The following LCN15 variants were observed in gnomAD, a reference collection of about 807,000 sequenced individuals.
LCN15 encodes lipocalin-15.
LCN15 carries 26 observed loss-of-function variants against 23.1 expected under a neutral mutation model. That is an observed-to-expected ratio of 1.13 (90% CI 0.82 to 1.56). LCN15 has a LOEUF of 1.56. Ranked by LOEUF, LCN15 falls within the 40% of genes most tolerant of loss-of-function variation. The probability of loss-of-function intolerance (pLI) is 0.00; values close to 1 mark genes in which losing one functional copy is unlikely to be tolerated. For missense variants in LCN15, 241 were observed against 239.5 expected, an observed-to-expected ratio of 1.01 and a Z score of -0.04; for synonymous variants, 107 against 98.3, an observed-to-expected ratio of 1.09 and a Z score of -0.52.
rs1847322754 is a variant in LCN15 at position 136,761,979 on chromosome 9, G to A, written c.521-126C>T. The A allele has an allele frequency of 1.2e-6, 1 of 861,010 alleles. No homozygotes were observed. The highest frequency in any genetic ancestry group is 1.7e-6 in the Non-Finnish European group (1 of 599,902). 53.3% of individuals were successfully genotyped at this position (861,010 alleles called of 1,614,324 possible). On this transcript the variant is annotated intron_variant, in intron 5 of 6. Transcript: ENST00000316144. This position sits in a 1 kb window ranked among gnomAD's most constrained non-coding sequence, Gnocchi z 4.2. ...CCATCCCCAGAGAGTGGAGCCCAGA[G>A]CTTCCCTCCCAGCGCTGCCCAAAGC... is the stretch of plus-strand genomic sequence containing the variant.
At chr9:136,762,327 A>G (rs200894977) in intron 4 of LCN15, 38 bp from the exon 5 acceptor site, 2 of 1,218,480 alleles carry the variant, frequency 1.6e-6, no homozygotes, top group African/African-American at 1.5e-5. Context: ...TCAGCAGCTC[A>G]CAGGAGTGCA....
At chr9:136,764,244 T>G in intron 1 of LCN15, 149 bp downstream of exon 1, 12 of 864,424 alleles carry the variant, frequency 1.4e-5, no homozygotes, top group Non-Finnish European at 2.0e-5. Flanking sequence ...CACAGGTTGG[T>G]TTAGGATTAA....
rs189958747 is a variant in LCN15 at position 136,761,302 on chromosome 9, C to T, written c.*32+485G>A. Among the ~76,000 whole-genome samples the T allele has an allele frequency of 6.6e-6, 1 of 152,320 alleles. No individual in the cohort carries two copies. The highest frequency in any genetic ancestry group is 1.9e-4 in the East Asian group (1 of 5,186). ...TGAGATGGAGTTTCTCTCTTGTCAC[C>T]CAGGCTGGACTGTAATGGTGCAATC... On this transcript the variant is annotated intron_variant, in intron 6 of 6. Coordinates refer to ENST00000316144, the MANE Select transcript of LCN15 (RefSeq NM_203347.2). This position sits in a 1 kb window ranked among gnomAD's most constrained non-coding sequence, Gnocchi z 4.2.
In LCN15 at chr9:136,761,789, G is replaced by A. The variant is rs1847320041; in HGVS notation, c.*30C>T. 2 of 1,272,376 alleles carry A rather than the reference G, an allele frequency of 1.6e-6. No individual in the cohort carries two copies. The highest frequency in any genetic ancestry group is 2.0e-6 in the Non-Finnish European group (2 of 1,008,174). The allele number at this position is 1,272,376 out of a possible 1,614,324, so 78.8% of individuals were successfully genotyped here. On this transcript the variant is annotated splice_region_variant and 3_prime_UTR_variant, in exon 6 of 7. Coordinates refer to ENST00000316144, the MANE Select transcript of LCN15 (RefSeq NM_203347.2). This position sits in a 1 kb window ranked among gnomAD's most constrained non-coding sequence, Gnocchi z 4.2. ...CCTGCAGGGCCTGGAGAACCCACCT[G>A]GGAAGGGCGGGGGTGGGGCTCCGGA...
Position 136,761,856 on chromosome 9 carries a change from G to A in LCN15, c.521-3C>T. ...CTTGCTCTCAGGGTTGCATGCATCT[G>A]TGGGGAGGAAGACATCCGTGAGATG... On this transcript the variant is annotated splice_region_variant and splice_polypyrimidine_tract_variant and intron_variant, in intron 5 of 6. Coordinates refer to ENST00000316144, the MANE Select transcript of LCN15 (RefSeq NM_203347.2). This position sits in a 1 kb window ranked among gnomAD's most constrained non-coding sequence, Gnocchi z 4.2. 3.7e-6 allele frequency: 5 copies of A among 1,336,846 alleles called. No individual in the cohort carries two copies. The highest frequency in any genetic ancestry group is 4.8e-6 in the Non-Finnish European group (5 of 1,043,004). The allele number at this position is 1,336,846 out of a possible 1,614,324, so 82.8% of individuals were successfully genotyped here.
intron 5 of LCN15, 124 bp downstream of exon 5, chr9:136,762,064 C>T (rs2297721): frequency 0.13 from 99,399 of 761,756 alleles, 6,893 homozygotes; most frequent in Admixed American, 0.19. Context: ...GCCAGCCCAC[C>T]CCTGGAAGAG....
chr9:136,764,172 G>A, intron 1 of LCN15, 163 bp from the exon 2 acceptor site: 1 of 887,272 alleles, frequency 1.1e-6, no homozygotes, highest in Non-Finnish European at 1.7e-6. Flanking sequence ...ATCTTGGGTA[G>A]GTCACAGTGC....
At chr9:136,763,546 C>T in intron 3 of LCN15, 79 bp from the exon 4 acceptor site, 2 of 1,206,486 alleles carry the variant, frequency 1.7e-6, no homozygotes, top group Non-Finnish European at 2.3e-6. Context: ...CCTGCCCCTG[C>T]TGCTGGGCTG....
rs564732610 is a variant in LCN15 at position 136,762,922 on chromosome 9, T to TAAAAAA, written c.418+429_418+434dup. The stretch of plus-strand genomic sequence containing the variant: ...TGGGCGACAGAGTGAGACTCCATAT[T>TAAAAAA]AAAAAAAAAAAAAAAAAAGAACCTC... On this transcript the variant is annotated intron_variant, in intron 4 of 6. Coordinates refer to ENST00000316144, the MANE Select transcript of LCN15 (RefSeq NM_203347.2). Among the ~76,000 whole-genome samples, 216 of 104,848 alleles carry TAAAAAA rather than the reference T, an allele frequency of 2.1e-3. 4 individuals are homozygous for TAAAAAA. The highest frequency in any genetic ancestry group is 8.1e-3 in the African/African-American group (208 of 25,546). 68.8% of individuals were successfully genotyped at this position (104,848 alleles called of 152,430 possible).
intron 1 of LCN15, 99 bp from the exon 2 acceptor site, chr9:136,764,108 G>T (rs1847354013): frequency 2.7e-6 from 4 of 1,469,608 alleles, no homozygotes; most frequent in Middle Eastern, 3.6e-4. Context: ...ACAGCAAGGG[G>T]TCTCGGAGTG....
In LCN15 at chr9:136,761,994, C is replaced by A; in HGVS notation, c.521-141G>T. 1.2e-6 allele frequency: 1 copy of A among 803,142 alleles called. No homozygotes were observed. Among genetic ancestry groups the A allele is most frequent in the Non-Finnish European group, 1.8e-6 (1 of 544,286 alleles). The allele number at this position is 803,142 out of a possible 1,614,324, so 49.8% of individuals were successfully genotyped here. ...GGAGCCCAGAGCTTCCCTCCCAGCG[C>A]TGCCCAAAGCCTCTCCCGTAGTCTG... On this transcript the variant is annotated intron_variant, in intron 5 of 6. Transcript: ENST00000316144. This position sits in a 1 kb window ranked among gnomAD's most constrained non-coding sequence, Gnocchi z 4.2.
intron 1 of LCN15, 131 bp downstream of exon 1, chr9:136,764,262 G>T: frequency 1.1e-6 from 1 of 918,660 alleles, no homozygotes; most frequent in African/African-American, 1.7e-5. Flanking sequence ...TAAGCGCAGA[G>T]TGGGTCTATA....
In LCN15 at chr9:136,761,802, G is replaced by C. The variant is rs751263236; in HGVS notation, c.*17C>G. On this transcript the variant is annotated 3_prime_UTR_variant, in exon 6 of 7. Coordinates refer to ENST00000316144, the MANE Select transcript of LCN15 (RefSeq NM_203347.2). The surrounding 1 kb of genome is among the most constrained non-coding windows in gnomAD (Gnocchi z 4.2). ...GAGAACCCACCTGGGAAGGGCGGGG[G>C]TGGGGCTCCGGAGGTGTCAGGGCGC... The C allele has an allele frequency of 7.8e-6, 10 of 1,282,724 alleles. No individual in the cohort carries two copies. The highest frequency in any genetic ancestry group is 9.9e-6 in the Non-Finnish European group (10 of 1,013,766). The allele number at this position is 1,282,724 out of a possible 1,614,324, so 79.5% of individuals were successfully genotyped here.
In LCN15 at chr9:136,761,594, G is replaced by A. The variant is rs12348429; in HGVS notation, c.*32+193C>T. Reference sequence around the variant, plus strand: ...GCTGTTTTAAGTCGCCCCATTTGTGGTACTCTGTGATGGGTACCTTAGGAA... The same window carrying A: ...GCTGTTTTAAGTCGCCCCATTTGTGATACTCTGTGATGGGTACCTTAGGAA... On this transcript the variant is annotated intron_variant, in intron 6 of 6. Coordinates refer to ENST00000316144, the MANE Select transcript of LCN15 (RefSeq NM_203347.2). This position sits in a 1 kb window ranked among gnomAD's most constrained non-coding sequence, Gnocchi z 4.2. 7.0e-3 allele frequency among the ~76,000 whole-genome samples: 1,063 copies of A among 152,316 alleles called. 10 individuals are homozygous for A. The highest frequency in any genetic ancestry group is 0.024 in the African/African-American group (993 of 41,558).
Position 136,759,992 on chromosome 9 carries a change from C to G in LCN15, c.*33-209G>C, listed in dbSNP as rs139495244. ...AGGCTGCCCCAGAGGCCATCCCTGG[C>G]TCCAGCACTTCCCCACCTTCCCCGG... On this transcript the variant is annotated intron_variant, in intron 6 of 6. Coordinates refer to ENST00000316144, the MANE Select transcript of LCN15 (RefSeq NM_203347.2). Among the ~76,000 whole-genome samples, 263 of 152,368 alleles carry G rather than the reference C, an allele frequency of 1.7e-3. 2 individuals carry two copies. Among genetic ancestry groups the G allele is most frequent in the African/African-American group, 6.1e-3 (253 of 41,588 alleles).
In LCN15 at chr9:136,763,377, C is replaced by T; in HGVS notation, c.398G>A (p.Ser133Asn). 1 of 1,594,712 alleles carries T rather than the reference C, an allele frequency of 6.3e-7. No individual in the cohort carries two copies. Among genetic ancestry groups the T allele is most frequent in the Non-Finnish European group, 8.5e-7 (1 of 1,170,690 alleles). Residue 133 changes from serine to asparagine, a missense_variant, in exon 4 of 7, where the codon AGC becomes AAC. By Grantham distance (46) the Ser-to-Asn change is conservative (BLOSUM62 1). Transcript: ENST00000316144. ...CTCACTGTAGAGCTGCACCATGGTGCTGAGGGCCCCCTCCAGCTCCTTGTA... is the reference window on the plus strand; with the variant it reads ...CTCACTGTAGAGCTGCACCATGGTGTTGAGGGCCCCCTCCAGCTCCTTGTA... ...YIYKELEGAL[S>N]TMVQLYSRTQ...
rs767595648 is a variant in LCN15, at chr9:136,762,295, C to A, written c.419-6G>T. ...ACTCACATCCTGGGTCCGGCCTGGG[C>A]AGAGCAGAGGTCACTGTGAACTCAG... is the stretch of plus-strand genomic sequence containing the variant. On this transcript the variant is annotated splice_polypyrimidine_tract_variant and splice_region_variant and intron_variant, in intron 4 of 6. Coordinates refer to ENST00000316144, the MANE Select transcript of LCN15 (RefSeq NM_203347.2). 4.6e-6 allele frequency: 7 copies of A among 1,529,438 alleles called. No homozygotes were observed. Among genetic ancestry groups the A allele is most frequent in the Non-Finnish European group, 6.3e-6 (7 of 1,116,290 alleles). 94.7% of individuals were successfully genotyped at this position (1,529,438 alleles called of 1,614,324 possible). A position where few individuals can be genotyped will look rare whatever the true frequency, so the allele number is the denominator to read the frequency against.
In LCN15 at chr9:136,761,203, G is replaced by A. The variant is rs1194619556; in HGVS notation, c.*32+584C>T. Among the ~76,000 whole-genome samples, 3 of 152,168 alleles carry A rather than the reference G, an allele frequency of 2.0e-5. No homozygotes were observed. Among genetic ancestry groups the A allele is most frequent in the East Asian group, 1.9e-4 (1 of 5,194 alleles). On this transcript the variant is annotated intron_variant, in intron 6 of 6. Transcript: ENST00000316144. The surrounding 1 kb of genome is among the most constrained non-coding windows in gnomAD (Gnocchi z 4.2). ...GAGCTTCCAGAGGAACCAGCCCTGT[G>A]GACATCTTGATTTTGGACTTCTGGC...
chr9:136,763,526 C>T (rs1371141365), intron 3 of LCN15, 59 bp from the exon 4 acceptor site: 6 of 1,307,786 alleles, frequency 4.6e-6, no homozygotes, highest in Non-Finnish European at 6.5e-6. Context: ...GGGCACCGAC[C>T]CCACCCATGC....
Sources: gnomAD v4.1 joint callset for allele counts (sites outside exome capture counted in the v4.1 genomes callset) on GRCh38, gnomAD v4.1.1 for gene constraint, Gnocchi (gnomAD v3.1) non-coding constraint, MANE v1.5 for transcripts, NCBI Gene and HGNC (gene_info 2026-07-23, HGNC 2026-07-21) for gene names.